Variants in ARID1A observed in about 807,000 individuals in gnomAD.
ARID1A encodes the protein AT-rich interaction domain 1A, also known as AT-rich interactive domain-containing protein 1A.
ARID1A carries 20 observed loss-of-function variants against 212.6 expected under a neutral mutation model. The ratio of observed to expected loss-of-function variants is 0.09; its 90% CI spans 0.07 to 0.14. The LOEUF is 0.14. Among genes scored for constraint, ARID1A ranks in the 10% least tolerant of loss-of-function variants. The pLI is 1.00. For synonymous variants in ARID1A, 1,376 were observed against 1,222.1 expected, an observed-to-expected ratio of 1.13 and a Z score of -2.63; for missense variants, 2,587 against 3,059.0, an observed-to-expected ratio of 0.85 and a Z score of 3.64.
intron 1 of ARID1A, among the ~76,000 whole-genome samples, chr1:26,722,492 G>C (rs35041418): frequency 0.072 from 10,899 of 152,252 alleles, 421 homozygotes; most frequent in Non-Finnish European, 0.08. Flanking sequence ...GCGATCTGCC[G>C]CCTTGGCCAC....
chr1:26,778,882 C>CTCA lies in ARID1A; in HGVS notation c.5125-139_5125-138insATC, dbSNP rs1422990960. 6 of 768,500 alleles carry CTCA rather than the reference C, an allele frequency of 7.8e-6. No individual in the cohort carries two copies. The East Asian group carries it at 1.3e-4, about 17-fold the overall frequency. The allele number at this position is 768,500 out of a possible 1,614,324, so 47.6% of individuals were successfully genotyped here. On this transcript the variant is annotated intron_variant, in intron 19 of 19. Transcript: ENST00000324856. ...AGAAGAGATTAAGATGAACAATTTGCTCTGTGGAGAACCTTTGGGAAAGGA... is the reference window on the plus strand; with the variant it reads ...AGAAGAGATTAAGATGAACAATTTGCTCATCTGTGGAGAACCTTTGGGAAAGGA...
intron 1 of ARID1A, among the ~76,000 whole-genome samples, chr1:26,702,690 G>C (rs1444171231): frequency 6.6e-6 from 1 of 152,180 alleles, no homozygotes; most frequent in Non-Finnish European, 1.5e-5. Context: ...TTGGGGATAG[G>C]AAAAGGGTAG....
rs2124103788 is a variant in ARID1A at position 26,772,509 on chromosome 1, G to T, written c.3416G>T (p.Gly1139Val). The T allele has an allele frequency of 6.2e-7, 1 of 1,614,210 alleles. No homozygotes were observed. Among genetic ancestry groups the T allele is most frequent in the Non-Finnish European group, 8.5e-7 (1 of 1,180,044 alleles). ...KIQPPSPAGS[G>V]SMQGPQTPQS... ...GTATCTCTGTCCACAGCGGGATCAG[G>T]ATCTATGCAGGGGCCCCAGACTCCC... The change falls in exon 13 of 20, where the codon GGA becomes GTA. Residue 1139 changes from glycine to valine, a missense_variant. Gly to Val is a moderately radical substitution (Grantham distance 109, BLOSUM62 -3). Around this residue, in one of 11 missense-constraint regions of ARID1A, gnomAD observed 890 missense variants for 1,098.2 expected, o/e 0.81. Transcript: ENST00000324856.
chr1:26,747,158 C>G (rs1557600712), intron 4 of ARID1A, among the ~76,000 whole-genome samples: 1 of 152,150 alleles, frequency 6.6e-6, no homozygotes, highest in South Asian at 2.1e-4. Context: ...GTGATGAAAT[C>G]GATATGTATT....
In ARID1A at chr1:26,771,589, G is replaced by T. The variant is rs2081082978; in HGVS notation, c.3406+263G>T. On this transcript the variant is annotated intron_variant, in intron 12 of 19. Transcript: ENST00000324856. The surrounding 1 kb of genome is among the most constrained non-coding windows in gnomAD (Gnocchi z 5.4). ...CAAATGTTTGTAAACTGGTGAATGG[G>T]AGGGGCACAAGAGGAGTCGGTGGAA... 7.8e-6 allele frequency: 4 copies of T among 513,588 alleles called. No homozygotes were observed. Among genetic ancestry groups the T allele is most frequent in the South Asian group, 7.1e-5 (3 of 42,114 alleles). The allele number at this position is 513,588 out of a possible 1,614,324, so 31.8% of individuals were successfully genotyped here.
In ARID1A at chr1:26,772,564, A is replaced by T. The variant is rs771806681; in HGVS notation, c.3471A>T (p.Gly1157=). The T allele has an allele frequency of 1.9e-6, 3 of 1,614,126 alleles. No individual in the cohort carries two copies. In the African/African-American group the frequency reaches 4.0e-5, roughly 22 times the overall value. The stretch of plus-strand genomic sequence containing the variant: ...CAACCAGCAGTTCCATGGCAGAAGG[A>T]GGAGACTTAAAGCCACCAACTCCAG... The part of the protein sequence containing the change: ...PQSTSSSMAE[G]GDLKPPTPAS... The change falls in exon 13 of 20, where the codon GGA becomes GGT. Residue 1157 remains glycine, a synonymous_variant. Coordinates refer to ENST00000324856, the MANE Select transcript of ARID1A (RefSeq NM_006015.6).
Position 26,779,595 on chromosome 1 carries a change from T to C in ARID1A, c.5697T>C (p.Pro1899=), listed in dbSNP as rs774665378. ...PGTTDQEGPP[P]DGPPEKRITA... ...CAACAGACCAGGAGGGGCCCCCACC[T>C]GATGGACCTCCAGAAAAACGGATCA... is the stretch of plus-strand genomic sequence containing the variant. The change falls in exon 20 of 20, where the codon CCT becomes CCC. Residue 1899 remains proline (P), a synonymous_variant. Transcript: ENST00000324856. 1 of 1,614,148 alleles carries C rather than the reference T, an allele frequency of 6.2e-7. No individual in the cohort carries two copies.
In ARID1A at chr1:26,729,708, A is replaced by C; in HGVS notation, c.1195A>C (p.Asn399His). ...GAGACCTCAGCCATATGGCGGGACT[A>C]ACCCATACTCGCAGCAACAGGGACC... ...KMRPQPYGGT[N>H]PYSQQQGPPS... Residue 399 changes from asparagine to histidine, a missense_variant, in exon 2 of 20, where the codon AAC (asparagine) becomes CAC (histidine). Around this residue, in one of 11 missense-constraint regions of ARID1A, gnomAD observed 674 missense variants for 813.4 expected, o/e 0.83. Coordinates refer to ENST00000324856, the MANE Select transcript of ARID1A (RefSeq NM_006015.6). The C allele has an allele frequency of 1.9e-6, 3 of 1,614,272 alleles. No individual in the cohort carries two copies. Among genetic ancestry groups the C allele is most frequent in the Non-Finnish European group, 2.5e-6 (3 of 1,180,040 alleles).
At chr1:26,767,324 A>G (rs980957515) in intron 10 of ARID1A, among the ~76,000 whole-genome samples, 1 of 152,142 alleles carries the variant, frequency 6.6e-6, no homozygotes, top group African/African-American at 2.4e-5. Context: ...AGTCCATCCC[A>G]TTGCCTCAAG....
At chr1:26,703,863 A>T (rs2080362186) in intron 1 of ARID1A, among the ~76,000 whole-genome samples, 1 of 152,240 alleles carries the variant, frequency 6.6e-6, no homozygotes, top group Non-Finnish European at 1.5e-5. Flanking sequence ...AAGCATGCTT[A>T]TGTGCACACA....
chr1:26,761,442 C>T lies in ARID1A; in HGVS notation c.2220C>T (p.Ser740=). The T allele has an allele frequency of 6.2e-7, 1 of 1,614,212 alleles. No individual in the cohort carries two copies. Among genetic ancestry groups the T allele is most frequent in the Non-Finnish European group, 8.5e-7 (1 of 1,180,034 alleles). The part of the protein sequence containing the change: ...SGQSDSIMHP[S]MNQSSIAQDR... Reference sequence around the variant, plus strand: ...AGTCGGACAGCATCATGCATCCTTCCATGAACCAATCAAGCATTGCCCAAG... The same window carrying T: ...AGTCGGACAGCATCATGCATCCTTCTATGAACCAATCAAGCATTGCCCAAG... Residue 740 remains serine, a synonymous_variant, in exon 6 of 20, where the codon TCC becomes TCT. Transcript: ENST00000324856.
At chr1:26,714,022 A>G (rs1422654868) in intron 1 of ARID1A, among the ~76,000 whole-genome samples, 3 of 152,240 alleles carry the variant, frequency 2.0e-5, no homozygotes, top group African/African-American at 7.2e-5. Context: ...CACATTTACC[A>G]AAGGGAAATT....
intron 8 of ARID1A, 48 bp from the exon 9 acceptor site, chr1:26,766,173 G>A (rs1570607668): frequency 1.3e-6 from 2 of 1,584,310 alleles, no homozygotes; most frequent in Middle Eastern, 1.8e-4. Context: ...AAATCTAAAA[G>A]CTCAGAGTCT....
chr1:26,727,633 G>A (rs111718990), intron 1 of ARID1A: 8,860 of 152,222 alleles, frequency 0.058, 363 homozygotes, highest in Non-Finnish European at 0.087. Flanking sequence ...CATTTGTGAA[G>A]CTTCACAGAA....
intron 1 of ARID1A, among the ~76,000 whole-genome samples, chr1:26,723,632 G>A (rs1026020078): frequency 6.6e-6 from 1 of 152,016 alleles, no homozygotes; most frequent in African/African-American, 2.4e-5. Flanking sequence ...GTGTGGCTTC[G>A]AGTTTATGCA....
intron 1 of ARID1A, among the ~76,000 whole-genome samples, chr1:26,726,466 C>T (rs556659967): frequency 8.5e-5 from 13 of 152,302 alleles, no homozygotes; most frequent in Admixed American, 4.6e-4. Flanking sequence ...TGAGACACTG[C>T]GCCCAGCCAG....
At chr1:26,719,760 A>G (rs2080542130) in intron 1 of ARID1A, among the ~76,000 whole-genome samples, 2 of 147,516 alleles carry the variant, frequency 1.4e-5, no homozygotes, top group South Asian at 4.3e-4. Flanking sequence ...GACCAATGTG[A>G]TGAAAACCCG....
At chr1:26,697,889 T>C (rs2080292794) in intron 1 of ARID1A, among the ~76,000 whole-genome samples, 1 of 150,996 alleles carries the variant, frequency 6.6e-6, no homozygotes. Context: ...AGGTTAGGAG[T>C]GTAGGCAGTG....
In ARID1A at chr1:26,696,451, G is replaced by A. The variant is rs1214430562; in HGVS notation, c.48G>A (p.Pro16=). The change falls in exon 1 of 20, where the codon CCG becomes CCA. Residue 16 remains proline, a synonymous_variant. Coordinates refer to ENST00000324856, the MANE Select transcript of ARID1A (RefSeq NM_006015.6). ...APAAASSLGN[P]PPPPPSELKK... ...CCGCCGCCAGCAGCCTGGGCAACCC[G>A]CCGCCGCCGCCGCCCTCGGAGCTGA... is the stretch of plus-strand genomic sequence containing the variant. 1.6e-6 allele frequency: 2 copies of A among 1,222,250 alleles called. No individual in the cohort carries two copies. Among genetic ancestry groups the A allele is most frequent in the Admixed American group, 4.1e-5 (1 of 24,456 alleles). 75.7% of individuals were successfully genotyped at this position (1,222,250 alleles called of 1,614,324 possible).
Sources: allele counts gnomAD v4.1 joint callset (sites outside exome capture counted in the v4.1 genomes callset), GRCh38; gene constraint gnomAD v4.1.1; regional missense constraint gnomAD v4.1.1; non-coding constraint Gnocchi (gnomAD v3.1); transcripts MANE v1.5; gene names NCBI Gene and HGNC (gene_info 2026-07-23, HGNC 2026-07-21).